Variants in MRPS25 observed in about 807,000 individuals in gnomAD.
The protein encoded by MRPS25 is mitochondrial ribosomal protein S25.
A neutral mutation model predicts 17.3 loss-of-function variants in MRPS25; 15 were observed. The ratio of observed to expected loss-of-function variants is 0.87; its 90% CI spans 0.58 to 1.34. The LOEUF (loss-of-function observed/expected upper bound fraction) is 1.34. Ranked by LOEUF, MRPS25 falls within the 40% of genes most tolerant of loss-of-function variation. The probability of loss-of-function intolerance (pLI) is 0.00; values close to 1 mark genes in which losing one functional copy is unlikely to be tolerated. For synonymous variants in MRPS25, 94 were observed against 83.3 expected, an observed-to-expected ratio of 1.13 and a Z score of -0.70; for missense variants, 225 against 218.6, an observed-to-expected ratio of 1.03 and a Z score of -0.19.
chr3:15,051,914 A>T lies in MRPS25; in HGVS notation c.*527T>A, dbSNP rs1050962995. On this transcript the variant is annotated 3_prime_UTR_variant, in exon 4 of 4. Coordinates refer to ENST00000253686, the MANE Select transcript of MRPS25 (RefSeq NM_022497.5). ...CAGGCAAGGGTAATCAACTGTACTT[A>T]AAAAAGTGAGCACTGCACGAAGGGT... is the stretch of plus-strand genomic sequence containing the variant. The T allele has an allele frequency of 4.1e-6, 4 of 985,584 alleles. No homozygotes were observed. The highest frequency in any genetic ancestry group is 4.7e-5 in the South Asian group (1 of 21,290). 61.1% of individuals were successfully genotyped at this position (985,584 alleles called of 1,614,324 possible).
chr3:15,051,534 G>C lies in MRPS25; in HGVS notation c.*907C>G. ...CTAGAAGGCTCTGCTGTCTTCTGGAGGCTGAAACCTCCACTTTAGCATAAC... is the reference window on the plus strand; with the variant it reads ...CTAGAAGGCTCTGCTGTCTTCTGGACGCTGAAACCTCCACTTTAGCATAAC... On this transcript the variant is annotated 3_prime_UTR_variant, in exon 4 of 4. Coordinates refer to ENST00000253686, the MANE Select transcript of MRPS25 (RefSeq NM_022497.5). 1 of 985,322 alleles carries C rather than the reference G, an allele frequency of 1.0e-6. No homozygotes were observed. Among genetic ancestry groups the C allele is most frequent in the Non-Finnish European group, 1.2e-6 (1 of 829,898 alleles). 61.0% of individuals were successfully genotyped at this position (985,322 alleles called of 1,614,324 possible). A position where few individuals can be genotyped will look rare whatever the true frequency, so the allele number is the denominator to read the frequency against.
intron 2 of MRPS25, among the ~76,000 whole-genome samples, chr3:15,057,791 G>C (rs1215916720): frequency 6.6e-6 from 1 of 152,226 alleles, no homozygotes; most frequent in South Asian, 2.1e-4. Flanking sequence ...CACCTCAATA[G>C]TTGGTTTTAA....
chr3:15,050,055 C>T lies in MRPS25; in HGVS notation c.*2386G>A, dbSNP rs2042580527. On this transcript the variant is annotated 3_prime_UTR_variant, in exon 4 of 4. Coordinates refer to ENST00000253686, the MANE Select transcript of MRPS25 (RefSeq NM_022497.5). ...ACATTTTCTCTAATTAATTTTCTCC[C>T]ATTTCTGTATATTTTAAACCCATCT... 6.9e-7 allele frequency: 1 copy of T among 1,449,136 alleles called. No individual in the cohort carries two copies. Among genetic ancestry groups the T allele is most frequent in the African/African-American group, 1.5e-5 (1 of 67,484 alleles). 89.8% of individuals were successfully genotyped at this position (1,449,136 alleles called of 1,614,324 possible). A position where few individuals can be genotyped will look rare whatever the true frequency, so the allele number is the denominator to read the frequency against.
In MRPS25 at chr3:15,064,937, G is replaced by A. The variant is rs2042833212; in HGVS notation, c.134+124C>T. On this transcript the variant is annotated intron_variant, in intron 1 of 3. Transcript: ENST00000253686. ...ACCTCTGTAAAATGGGGGTAACAGC[G>A]CCGACCTGGGGGGCCCGCCCCGGGG... 32 of 1,272,716 alleles carry A rather than the reference G, an allele frequency of 2.5e-5. 2 individuals are homozygous for A. The highest frequency in any genetic ancestry group is 8.5e-5 in the South Asian group (6 of 70,394). 78.8% of individuals were successfully genotyped at this position (1,272,716 alleles called of 1,614,324 possible).
downstream of MRPS25, chr3:15,042,503 G>T: frequency 4.7e-6 from 1 of 210,692 alleles, no homozygotes; most frequent in South Asian, 1.6e-4. Context: ...TTTTAAATGA[G>T]TCTCTAGCAG....
At chr3:15,044,478 T>A (rs2042381520), downstream of MRPS25, 1 of 152,214 alleles carries the variant, frequency 6.6e-6, no homozygotes, top group South Asian at 2.1e-4. Context: ...AAGTTATGTC[T>A]AACTTCAAAC....
intron 2 of MRPS25, among the ~76,000 whole-genome samples, chr3:15,057,645 G>A (rs1278817488): frequency 2.0e-5 from 3 of 152,216 alleles, no homozygotes; most frequent in Admixed American, 2.0e-4. Context: ...GTGGCACTAA[G>A]GAACTTCCTG....
chr3:15,050,104 G>A lies in MRPS25; in HGVS notation c.*2337C>T. The A allele has an allele frequency of 2.2e-6, 3 of 1,392,484 alleles. No individual in the cohort carries two copies. The highest frequency in any genetic ancestry group is 1.8e-6 in the Non-Finnish European group (2 of 1,086,200). The allele number at this position is 1,392,484 out of a possible 1,614,324, so 86.3% of individuals were successfully genotyped here. A position where few individuals can be genotyped will look rare whatever the true frequency, so the allele number is the denominator to read the frequency against. The stretch of plus-strand genomic sequence containing the variant: ...CTTTCATCACTACTAAACAAAATAG[G>A]GAAAGACAAAGGTTTAAAGAGAAAC... On this transcript the variant is annotated 3_prime_UTR_variant, in exon 4 of 4. Coordinates refer to ENST00000253686, the MANE Select transcript of MRPS25 (RefSeq NM_022497.5).
rs1575064356 is a variant in MRPS25, at chr3:15,049,505, G to A, written c.*2936C>T. On this transcript the variant is annotated 3_prime_UTR_variant, in exon 4 of 4. Transcript: ENST00000253686. Reference sequence around the variant, plus strand: ...GCAGGACAGTCTTTACATCCACCCAGCAAGGCAGCTCCTTGGTGTGGAGGT... The same window carrying A: ...GCAGGACAGTCTTTACATCCACCCAACAAGGCAGCTCCTTGGTGTGGAGGT... 5.3e-5 allele frequency: 13 copies of A among 246,704 alleles called. No homozygotes were observed. The East Asian group carries it at 1.7e-3, about 32-fold the overall frequency. 15.3% of individuals were successfully genotyped at this position (246,704 alleles called of 1,614,324 possible).
rs1052240673 is a variant in MRPS25 at position 15,049,056 on chromosome 3, A to T, written c.*3385T>A. 6.6e-6 allele frequency: 1 copy of T among 152,652 alleles called. No individual in the cohort carries two copies. Among genetic ancestry groups the T allele is most frequent in the Non-Finnish European group, 1.5e-5 (1 of 68,038 alleles). The allele number at this position is 152,652 out of a possible 1,614,324, so 9.5% of individuals were successfully genotyped here. On this transcript the variant is annotated 3_prime_UTR_variant, in exon 4 of 4. Coordinates refer to ENST00000253686, the MANE Select transcript of MRPS25 (RefSeq NM_022497.5). Reference sequence around the variant, plus strand: ...TCACTTTGTTTATGTGATGGCATTTAAAAAATAGCATGTTCTTTTTAAACT... The same window carrying T: ...TCACTTTGTTTATGTGATGGCATTTTAAAAATAGCATGTTCTTTTTAAACT...
At chr3:15,053,521 C>T (rs1373689050) in intron 2 of MRPS25, 54 bp from the exon 3 acceptor site, 14 of 1,609,024 alleles carry the variant, frequency 8.7e-6, no homozygotes, top group African/African-American at 2.7e-5. Context: ...GCGCACTCAG[C>T]CTCAAAAAGT....
Position 15,065,140 on chromosome 3 carries a change from C to A in MRPS25, c.55G>T (p.Gly19Trp). The A allele has an allele frequency of 6.2e-7, 1 of 1,609,294 alleles. No homozygotes were observed. Among genetic ancestry groups the A allele is most frequent in the East Asian group, 2.2e-5 (1 of 44,632 alleles). ...ACGGAGTCCTTGAACACCACGTTCC[C>A]CTGGCTCAGATATTGCAGGGTGCGG... ...IRRTLQYLSQGNVVFKDSVKV... is the reference protein window; with the variant it reads ...IRRTLQYLSQWNVVFKDSVKV... Residue 19 changes from glycine (G) to tryptophan (W), a missense_variant, in exon 1 of 4, where the codon GGG becomes TGG. By Grantham distance (184) the Gly-to-Trp change is radical. Transcript: ENST00000253686.
Position 15,050,824 on chromosome 3 carries a change from CTT to C in MRPS25, c.*1615_*1616del. ...AACCCAGATCTGGTACAGAATCAAA[CTT>C]GAGCATCAAATGTAAAAGATCCAAA... On this transcript the variant is annotated 3_prime_UTR_variant, in exon 4 of 4. Transcript: ENST00000253686. 1.0e-6 allele frequency: 1 copy of C among 984,848 alleles called. No homozygotes were observed. The allele number at this position is 984,848 out of a possible 1,614,324, so 61.0% of individuals were successfully genotyped here.
At chr3:15,052,720 T>C (rs1305238834) in intron 3 of MRPS25, 87 bp from the exon 4 acceptor site, 2 of 1,368,024 alleles carry the variant, frequency 1.5e-6, no homozygotes, top group Non-Finnish European at 2.0e-6. Context: ...AACCCCACCA[T>C]CCACCAGGGA....
In MRPS25 at chr3:15,065,289, T is replaced by G; in HGVS notation, c.-95A>C. On this transcript the variant is annotated 5_prime_UTR_variant, in exon 1 of 4. Transcript: ENST00000253686. ...ACCCGCGCGGATCTCACGCGGCTTC[T>G]CCCCAGAGCCAGGTTCCACTTCCCG... The G allele has an allele frequency of 7.0e-7, 1 of 1,430,888 alleles. No individual in the cohort carries two copies. The highest frequency in any genetic ancestry group is 9.2e-7 in the Non-Finnish European group (1 of 1,091,106). 88.6% of individuals were successfully genotyped at this position (1,430,888 alleles called of 1,614,324 possible).
chr3:15,063,357 C>T (rs79524449), intron 1 of MRPS25, among the ~76,000 whole-genome samples: 4,725 of 152,278 alleles, frequency 0.031, 133 homozygotes, highest in East Asian at 0.12. Context: ...GGCACCTTCC[C>T]ATTGCCCCCA....
chr3:15,048,161 A>C (rs931506433), downstream of MRPS25: 3 of 152,700 alleles, frequency 2.0e-5, no homozygotes, highest in Non-Finnish European at 4.4e-5. Context: ...CATAGTACTC[A>C]GTGCCTTTTG....
rs1484570320 is a variant in MRPS25 at position 15,059,460 on chromosome 3, G to GAA, written c.148_149dup (p.Asn51SerfsTer16). On this transcript the variant is annotated frameshift_variant, in exon 2 of 4. Coordinates refer to ENST00000253686, the MANE Select transcript of MRPS25 (RefSeq NM_022497.5). LOFTEE classifies it high-confidence loss of function. ...TTTTGTATTGAATCTGAGGTATGTTGAAAAACACAAACTTCCTGCAAAAGG... is the reference window on the plus strand; with the variant it reads ...TTTTGTATTGAATCTGAGGTATGTTGAAAAAAACACAAACTTCCTGCAAAAGG... 6.2e-7 allele frequency: 1 copy of GAA among 1,612,184 alleles called. No homozygotes were observed.
chr3:15,052,647 C>T lies in MRPS25; in HGVS notation c.330-14G>A. The stretch of plus-strand genomic sequence containing the variant: ...CTGAGGGTTTCCCTGCCAAAGAGCA[C>T]AGACGGCAACCAAGCATTGGCAACT... On this transcript the variant is annotated splice_polypyrimidine_tract_variant and intron_variant, in intron 3 of 3. Transcript: ENST00000253686. 1 of 1,609,542 alleles carries T rather than the reference C, an allele frequency of 6.2e-7. No homozygotes were observed. The highest frequency in any genetic ancestry group is 8.5e-7 in the Non-Finnish European group (1 of 1,177,030).
Sources: gnomAD v4.1 joint callset for allele counts (sites outside exome capture counted in the v4.1 genomes callset) on GRCh38, gnomAD v4.1.1 for gene constraint, MANE v1.5 for transcripts, NCBI Gene and HGNC (gene_info 2026-07-23, HGNC 2026-07-21) for gene names.